Variants in GALNTL6 observed in about 807,000 individuals in gnomAD.
The protein encoded by GALNTL6 is polypeptide N-acetylgalactosaminyltransferase like 6, also known as polypeptide N-acetylgalactosaminyltransferase-like 6.
In GALNTL6, 46 loss-of-function variants were observed where a neutral mutation model predicts 73.7. The observed-to-expected ratio is 0.62, with a 90% CI of 0.49 to 0.80. The LOEUF is 0.80. GALNTL6 is among the 30% of genes least tolerant of loss of function. The pLI, the probability that GALNTL6 is intolerant of heterozygous loss-of-function variation, is 0.00. For synonymous variants in GALNTL6, 259 were observed against 263.7 expected, an observed-to-expected ratio of 0.98 and a Z score of 0.17; for missense variants, 604 against 755.0, an observed-to-expected ratio of 0.80 and a Z score of 2.34.
chr4:172,494,972 C>A (rs1734021245), intron 5 of GALNTL6, among the ~76,000 whole-genome samples: 1 of 152,204 alleles, frequency 6.6e-6, no homozygotes, highest in African/African-American at 2.4e-5. Context: ...CAAGTTGACA[C>A]TCAATGTTAA....
intron 5 of GALNTL6, among the ~76,000 whole-genome samples, chr4:172,752,941 C>T (rs1161106972): frequency 2.0e-5 from 3 of 152,118 alleles, no homozygotes; most frequent in Non-Finnish European, 4.4e-5. Context: ...TAGTCATCTA[C>T]ATTCTATTAT....
intron 12 of GALNTL6, among the ~76,000 whole-genome samples, chr4:173,030,398 A>C (rs1052534496): frequency 6.6e-6 from 1 of 152,058 alleles, no homozygotes; most frequent in African/African-American, 2.4e-5. Flanking sequence ...CAATATTCCT[A>C]CTGATTACCT....
intron 5 of GALNTL6, among the ~76,000 whole-genome samples, chr4:172,773,820 A>G (rs1738912314): frequency 2.0e-5 from 3 of 152,308 alleles, no homozygotes; most frequent in South Asian, 4.1e-4. Flanking sequence ...TCTATATTTG[A>G]TATATGAGAA....
At chr4:172,482,290 C>T (rs2111485400) in intron 5 of GALNTL6, among the ~76,000 whole-genome samples, 1 of 152,376 alleles carries the variant, frequency 6.6e-6, no homozygotes, top group African/African-American at 2.4e-5. Context: ...GAGCTGGCTC[C>T]AGCCTCCGAC....
At chr4:171,982,188 A>AT (rs1308356422) in intron 2 of GALNTL6, among the ~76,000 whole-genome samples, 2 of 152,098 alleles carry the variant, frequency 1.3e-5, no homozygotes, top group African/African-American at 2.4e-5. Flanking sequence ...TAATCTTCAG[A>AT]TTTTTTTCTC....
chr4:172,971,226 C>T (rs1750565654), intron 10 of GALNTL6, among the ~76,000 whole-genome samples: 1 of 152,180 alleles, frequency 6.6e-6, no homozygotes, highest in African/African-American at 2.4e-5. Context: ...TTCCCAGTCT[C>T]CAGAACCATG....
At chr4:172,267,366 C>T (rs1049619041) in intron 3 of GALNTL6, among the ~76,000 whole-genome samples, 3 of 152,080 alleles carry the variant, frequency 2.0e-5, no homozygotes, top group African/African-American at 7.2e-5. Flanking sequence ...CAGGCTCAGG[C>T]ACAAGACTGT....
intron 2 of GALNTL6, among the ~76,000 whole-genome samples, chr4:171,927,425 T>C (rs1336784020): frequency 2.0e-5 from 3 of 152,174 alleles, no homozygotes; most frequent in Non-Finnish European, 4.4e-5. Context: ...AAAAATACTA[T>C]AGATTTTGTG....
At chr4:172,228,023 A>G (rs923906070) in intron 2 of GALNTL6, among the ~76,000 whole-genome samples, 2 of 152,166 alleles carry the variant, frequency 1.3e-5, no homozygotes, top group East Asian at 3.9e-4. Context: ...TATCACTGTA[A>G]GAGCATGGCT....
chr4:172,890,842 A>G (rs1298427448), intron 8 of GALNTL6, among the ~76,000 whole-genome samples: 4 of 152,188 alleles, frequency 2.6e-5, no homozygotes, highest in Non-Finnish European at 5.9e-5. Flanking sequence ...TCATAAATCT[A>G]GAAGTACCTG....
chr4:172,984,740 C>A (rs1751221639), intron 10 of GALNTL6, among the ~76,000 whole-genome samples: 1 of 152,088 alleles, frequency 6.6e-6, no homozygotes, highest in Non-Finnish European at 1.5e-5. Context: ...TATAAGAAAC[C>A]TGCACATGCA....
chr4:172,530,900 T>A (rs567147553), intron 5 of GALNTL6, among the ~76,000 whole-genome samples: 52 of 147,632 alleles, frequency 3.5e-4, no homozygotes, highest in African/African-American at 1.2e-3. Flanking sequence ...TTGTAAACAA[T>A]GTTCACAGAC....
chr4:172,433,046 ATTGTAG>A (rs1731514201), intron 5 of GALNTL6, among the ~76,000 whole-genome samples: 1 of 152,172 alleles, frequency 6.6e-6, no homozygotes, highest in South Asian at 2.1e-4. Flanking sequence ...AGCAAATGTC[ATTGTAG>A]TTTGCGTATA....
rs556702187 is a variant in GALNTL6 at position 172,698,401 on chromosome 4, C to T, written c.554-110960C>T. 3.3e-5 allele frequency among the ~76,000 whole-genome samples: 5 copies of T among 152,226 alleles called. No individual in the cohort carries two copies. The South Asian group carries it at 1.0e-3, about 32-fold the overall frequency. ...CCTCCCATAGCCTCTGAGCATTAGGCCACGACCAGCTTCCTTCCGCTGAGA... is the reference window on the plus strand; with the variant it reads ...CCTCCCATAGCCTCTGAGCATTAGGTCACGACCAGCTTCCTTCCGCTGAGA... On this transcript the variant is annotated intron_variant, in intron 5 of 12. Transcript: ENST00000506823.
chr4:172,320,007 G>A (rs542960206), intron 4 of GALNTL6, among the ~76,000 whole-genome samples: 2 of 152,128 alleles, frequency 1.3e-5, no homozygotes, highest in South Asian at 4.2e-4. Flanking sequence ...CTTTCTATTG[G>A]CCTCACTCCG....
chr4:172,539,906 TA>T (rs1310114498), intron 5 of GALNTL6, among the ~76,000 whole-genome samples: 61 of 109,638 alleles, frequency 5.6e-4, no homozygotes, highest in African/African-American at 2.1e-3. Context: ...TATATATATA[TA>T]AAAAATCTCA....
chr4:172,581,382 C>A (rs138317136), intron 5 of GALNTL6, among the ~76,000 whole-genome samples: 1 of 152,258 alleles, frequency 6.6e-6, no homozygotes, highest in Non-Finnish European at 1.5e-5. Context: ...CTCCTCTTCA[C>A]CTGTATGAAG....
intron 2 of GALNTL6, among the ~76,000 whole-genome samples, chr4:172,024,957 A>G (rs558754977): frequency 6.6e-6 from 1 of 151,962 alleles, no homozygotes; most frequent in Non-Finnish European, 1.5e-5. Flanking sequence ...GAAAAGTCTA[A>G]GAACAAAATA....
intron 5 of GALNTL6, among the ~76,000 whole-genome samples, chr4:172,790,460 G>C (rs1021764144): frequency 6.6e-6 from 1 of 152,154 alleles, no homozygotes; most frequent in African/African-American, 2.4e-5. Flanking sequence ...CAGAGAGAAG[G>C]CTGCCACCTG....
Sources: allele counts gnomAD v4.1 joint callset (sites outside exome capture counted in the v4.1 genomes callset), GRCh38; gene constraint gnomAD v4.1.1; transcripts MANE v1.5; gene names NCBI Gene and HGNC (gene_info 2026-07-23, HGNC 2026-07-21).